Variants in DENND4A observed in about 807,000 individuals in gnomAD.
DENND4A encodes DENN domain containing 4A, also known as C-myc promoter-binding protein.
Under a neutral mutation model 199.3 loss-of-function variants are expected in DENND4A, and 70 were observed. That is an observed-to-expected ratio of 0.35 (90% CI 0.29 to 0.43). The LOEUF (loss-of-function observed/expected upper bound fraction) is 0.43. Among genes scored for constraint, DENND4A ranks in the 20% least tolerant of loss-of-function variants. The probability of loss-of-function intolerance (pLI) is 1.00; values close to 1 mark genes in which losing one functional copy is unlikely to be tolerated. For synonymous variants in DENND4A, 686 were observed against 766.9 expected, an observed-to-expected ratio of 0.89 and a Z score of 1.74; for missense variants, 1,723 against 2,255.8, an observed-to-expected ratio of 0.76 and a Z score of 4.78.
intron 1 of DENND4A, chr15:65,771,175 T>A: frequency 6.3e-7 from 1 of 1,583,530 alleles, no homozygotes; most frequent in South Asian, 1.2e-5. Context: ...TTCCAGTTCA[T>A]CCTCCTTTAT....
intron 1 of DENND4A, among the ~76,000 whole-genome samples, chr15:65,770,707 T>C (rs61270170): frequency 0.072 from 10,910 of 152,252 alleles, 400 homozygotes; most frequent in African/African-American, 0.1. Flanking sequence ...ATTTGACACC[T>C]TGATAAGGAA....
At chr15:65,682,245 C>G (rs957688141) in intron 23 of DENND4A, among the ~76,000 whole-genome samples, 1 of 152,168 alleles carries the variant, frequency 6.6e-6, no homozygotes, top group Admixed American at 6.5e-5. Flanking sequence ...GCTGTTTGAT[C>G]TGCATTGAAA....
chr15:65,741,582 A>G (rs1567065858), intron 5 of DENND4A, 133 bp downstream of exon 5: 1 of 561,662 alleles, frequency 1.8e-6, no homozygotes, highest in Non-Finnish European at 3.0e-6. Context: ...GAAGACAAAA[A>G]TGAGAATCAG....
intron 1 of DENND4A, among the ~76,000 whole-genome samples, chr15:65,765,838 T>C (rs2076970090): frequency 6.6e-6 from 1 of 152,238 alleles, no homozygotes; most frequent in Non-Finnish European, 1.5e-5. Context: ...GCACACACAC[T>C]GCCCTCCCTG....
At chr15:65,664,264 TAAA>T (rs57260104) in intron 32 of DENND4A, 63 bp downstream of exon 32, 193,363 of 921,408 alleles carry the variant, frequency 0.21, 26,457 homozygotes, top group East Asian at 0.7. Flanking sequence ...ACTACTAATA[TAAA>T]AATACTTTGA....
chr15:65,683,266 G>A (rs1431183492), intron 23 of DENND4A, among the ~76,000 whole-genome samples: 1 of 152,132 alleles, frequency 6.6e-6, no homozygotes, highest in Non-Finnish European at 1.5e-5. Context: ...TGATATTAGT[G>A]ATTGTGTTCT....
chr15:65,753,517 CCTGA>C (rs1007817931), intron 3 of DENND4A, among the ~76,000 whole-genome samples: 2 of 151,950 alleles, frequency 1.3e-5, no homozygotes, highest in African/African-American at 2.4e-5. Flanking sequence ...TGGCACCACA[CCTGA>C]CTAATTTTTG....
intron 27 of DENND4A, 51 bp from the exon 28 acceptor site, chr15:65,668,174 C>A: frequency 1.3e-5 from 16 of 1,207,286 alleles, no homozygotes; most frequent in Non-Finnish European, 1.7e-5. Flanking sequence ...ATTTACTTTA[C>A]TTCATCAACA....
chr15:65,757,755 G>T (rs1291953044), intron 2 of DENND4A, among the ~76,000 whole-genome samples: 1 of 152,158 alleles, frequency 6.6e-6, no homozygotes, highest in East Asian at 1.9e-4. Context: ...GGCCGAGGAG[G>T]GCAGATTACC....
intron 1 of DENND4A, chr15:65,771,308 T>A: frequency 6.3e-7 from 1 of 1,590,336 alleles, no homozygotes; most frequent in Non-Finnish European, 8.6e-7. Flanking sequence ...TTGTTGTCTT[T>A]CTTTCCAGCA....
chr15:65,749,772 T>A (rs533832930), intron 4 of DENND4A, among the ~76,000 whole-genome samples: 1 of 152,256 alleles, frequency 6.6e-6, no homozygotes, highest in Non-Finnish European at 1.5e-5. Flanking sequence ...GTTGGTGAGG[T>A]GTGGGAATGT....
chr15:65,696,935 A>C (rs1021228347), intron 21 of DENND4A: 13 of 311,220 alleles, frequency 4.2e-5, no homozygotes, highest in African/African-American at 2.9e-4. Flanking sequence ...CTACAAAAGG[A>C]TCACAAGCTT....
chr15:65,777,144 G>A (rs2077304587), intron 1 of DENND4A, among the ~76,000 whole-genome samples: 1 of 152,024 alleles, frequency 6.6e-6, no homozygotes. Context: ...CTCCAGCCTG[G>A]GCGACAGAGT....
chr15:65,741,723 T>A lies in DENND4A; in HGVS notation c.623A>T (p.Tyr208Phe), dbSNP rs746975238. Reference sequence around the variant, plus strand: ...TGAAAAATTACACTTACCAGCTTTGTAAGATACAGTGTTCGTCTTTGCCAC... The same window carrying A: ...TGAAAAATTACACTTACCAGCTTTGAAAGATACAGTGTTCGTCTTTGCCAC... ...KSVAKTNTVS[Y>F]KAGLICRYPQ... is the part of the protein sequence containing the mutation. The change falls in exon 5 of 33, where the codon TAC (tyrosine) becomes TTC (phenylalanine). Residue 208 changes from tyrosine (Y) to phenylalanine (F), a missense_variant. Coordinates refer to ENST00000443035, the MANE Select transcript of DENND4A (RefSeq NM_001320835.1). 1 of 1,612,670 alleles carries A rather than the reference T, an allele frequency of 6.2e-7. No homozygotes were observed. Among genetic ancestry groups the A allele is most frequent in the Non-Finnish European group, 8.5e-7 (1 of 1,179,178 alleles).
intron 14 of DENND4A, among the ~76,000 whole-genome samples, chr15:65,713,250 T>G (rs1180233874): frequency 6.6e-6 from 1 of 152,236 alleles, no homozygotes; most frequent in Admixed American, 6.5e-5. Context: ...TTTACTTTAT[T>G]TTCTTAACCT....
chr15:65,765,394 C>A (rs1294932144), intron 1 of DENND4A, among the ~76,000 whole-genome samples: 1 of 152,246 alleles, frequency 6.6e-6, no homozygotes, highest in African/African-American at 2.4e-5. Flanking sequence ...TCTTTTAACA[C>A]AGACTTCTTT....
chr15:65,668,749 A>G (rs1257680905), intron 27 of DENND4A, among the ~76,000 whole-genome samples: 1 of 151,920 alleles, frequency 6.6e-6, no homozygotes, highest in Non-Finnish European at 1.5e-5. Flanking sequence ...TGAACCTGGG[A>G]GGCAAAGATT....
intron 23 of DENND4A, among the ~76,000 whole-genome samples, chr15:65,686,185 C>T (rs1272239986): frequency 6.6e-6 from 1 of 152,148 alleles, no homozygotes; most frequent in Non-Finnish European, 1.5e-5. Context: ...TTATTTAAAT[C>T]TCTTTTAAAA....
At chr15:65,756,534 G>A in intron 2 of DENND4A, 62 bp from the exon 3 acceptor site, 1 of 1,295,622 alleles carries the variant, frequency 7.7e-7, no homozygotes, top group South Asian at 1.5e-5. Flanking sequence ...CAAGTGGTTT[G>A]TGTGCAAATA....
Sources: gnomAD v4.1 joint callset for allele counts (sites outside exome capture counted in the v4.1 genomes callset) on GRCh38, gnomAD v4.1.1 for gene constraint, MANE v1.5 for transcripts, NCBI Gene and HGNC (gene_info 2026-07-23, HGNC 2026-07-21) for gene names.